Variants in CNOT1 observed in about 807,000 individuals in gnomAD.
CNOT1 encodes CCR4-associated factor 1.
A neutral mutation model predicts 273.8 loss-of-function variants in CNOT1; 15 were observed. The observed-to-expected ratio is 0.05, with a 90% CI of 0.04 to 0.08. The LOEUF is 0.08. Among genes scored for constraint, CNOT1 ranks in the 10% least tolerant of loss-of-function variants. The pLI is 1.00. For missense variants in CNOT1, 1,644 were observed against 2,912.2 expected (o/e 0.56, Z 10.02); for synonymous variants, 1,022 against 1,005.5 (o/e 1.02, Z -0.31).
chr16:58,621,136 A>G (rs2043296479), intron 1 of CNOT1, among the ~76,000 whole-genome samples: 1 of 151,612 alleles, frequency 6.6e-6, no homozygotes, highest in South Asian at 2.1e-4. Context: ...CAAGTTTTGT[A>G]TTTTTAGCAG....
intron 29 of CNOT1, among the ~76,000 whole-genome samples, 183 bp downstream of exon 29, chr16:58,546,137 TA>T (rs944889713): frequency 2.7e-4 from 41 of 152,294 alleles, no homozygotes; most frequent in Admixed American, 2.6e-3. Context: ...GGATGGAATC[TA>T]AGATGGTAAC....
intron 2 of CNOT1, among the ~76,000 whole-genome samples, chr16:58,594,159 G>A (rs1307935761): frequency 1.3e-5 from 2 of 152,056 alleles, no homozygotes; most frequent in East Asian, 1.9e-4. Context: ...CAAGAGAATC[G>A]CTTGAACCCG....
chr16:58,546,106 A>G lies in CNOT1; in HGVS notation c.4006+215T>C, dbSNP rs117147442. Among the ~76,000 whole-genome samples the G allele has an allele frequency of 7.7e-3, 1,179 of 152,286 alleles. 8 individuals carry two copies. Among genetic ancestry groups the G allele is most frequent in the Non-Finnish European group, 0.011 (748 of 68,018 alleles). On this transcript the variant is annotated intron_variant, in intron 29 of 48. Coordinates refer to ENST00000317147, the MANE Select transcript of CNOT1 (RefSeq NM_016284.5). ...GCAACTGATTAAATCACATTTAGTT[A>G]ATAATATGCATGAACTGTCAGGATG...
At chr16:58,602,967 G>A (rs7205071) in intron 1 of CNOT1, among the ~76,000 whole-genome samples, 114,549 of 152,004 alleles carry the variant, frequency 0.75, 43,575 homozygotes, top group Middle Eastern at 0.86. Flanking sequence ...GTTGATGCTA[G>A]TTTCATCCTT....
intron 16 of CNOT1, 149 bp downstream of exon 16, chr16:58,574,460 T>C (rs776635895): frequency 1.1e-5 from 7 of 621,012 alleles, no homozygotes; most frequent in East Asian, 3.3e-5. Context: ...GGATCTAGTA[T>C]GTATCATAAA....
rs1416837718 is a variant in CNOT1 at position 58,520,474 on chromosome 16, A to ACTT, written c.*481_*483dup. 1 of 160,954 alleles carries ACTT rather than the reference A, an allele frequency of 6.2e-6. No individual in the cohort carries two copies. The highest frequency in any genetic ancestry group is 2.4e-5 in the African/African-American group (1 of 41,600). The allele number at this position is 160,954 out of a possible 1,614,324, so 10.0% of individuals were successfully genotyped here. On this transcript the variant is annotated 3_prime_UTR_variant, in exon 49 of 49. Coordinates refer to ENST00000317147, the MANE Select transcript of CNOT1 (RefSeq NM_016284.5). ...TTCTAGCACATCCACATTTTTAATAACTTAGTGATTTTCAAGGTCCCCTGT... is the reference window on the plus strand; with the variant it reads ...TTCTAGCACATCCACATTTTTAATAACTTCTTAGTGATTTTCAAGGTCCCCTGT...
At chr16:58,561,572 CAATT>C (rs997892870) in intron 16 of CNOT1, among the ~76,000 whole-genome samples, 3 of 152,084 alleles carry the variant, frequency 2.0e-5, no homozygotes, top group Non-Finnish European at 2.9e-5. Flanking sequence ...GTTTACTTGA[CAATT>C]AAACCAATTT....
chr16:58,601,098 G>C (rs1238738287), intron 1 of CNOT1, among the ~76,000 whole-genome samples: 1 of 152,176 alleles, frequency 6.6e-6, no homozygotes, highest in African/African-American at 2.4e-5. Flanking sequence ...GGAATTACAG[G>C]CAACAGCCAC....
intron 16 of CNOT1, 133 bp downstream of exon 16, chr16:58,574,476 T>G: frequency 1.2e-6 from 1 of 809,350 alleles, no homozygotes; most frequent in Non-Finnish European, 1.8e-6. Context: ...ATAAATAGTA[T>G]AGGACTTTGG....
At chr16:58,578,033 C>G (rs2041520715) in intron 13 of CNOT1, among the ~76,000 whole-genome samples, 1 of 152,156 alleles carries the variant, frequency 6.6e-6, no homozygotes, top group South Asian at 2.1e-4. Context: ...AAAAATTGCT[C>G]TGTGATCTCT....
intron 2 of CNOT1, among the ~76,000 whole-genome samples, chr16:58,598,596 T>C (rs1482151102): frequency 1.3e-5 from 2 of 148,600 alleles, no homozygotes; most frequent in African/African-American, 2.5e-5. Flanking sequence ...TAAGACAAAA[T>C]TGCACCACTG....
At chr16:58,592,429 C>T (rs566460910) in intron 2 of CNOT1, among the ~76,000 whole-genome samples, 114 of 152,042 alleles carry the variant, frequency 7.5e-4, no homozygotes, top group Non-Finnish European at 1.2e-3. Context: ...ATTATATAAA[C>T]AAGCTGGGTG....
At position 58,547,735 on chromosome 16, in the gene CNOT1, C is replaced by T. The variant is rs1433950352; in HGVS notation, c.3523-53G>A. On this transcript the variant is annotated intron_variant, in intron 25 of 48. Transcript: ENST00000317147. The surrounding 1 kb of genome is among the most constrained non-coding windows in gnomAD (Gnocchi z 4.0). Reference sequence around the variant, plus strand: ...ATGAGAATAAGCTTATGAAAGAAAACTCAACTAAGTATTTGAGAATTCCAT... The same window carrying T: ...ATGAGAATAAGCTTATGAAAGAAAATTCAACTAAGTATTTGAGAATTCCAT... The T allele has an allele frequency of 1.9e-6, 3 of 1,540,090 alleles. No homozygotes were observed. The highest frequency in any genetic ancestry group is 2.6e-6 in the Non-Finnish European group (3 of 1,134,246).
At chr16:58,627,479 T>C (rs1345737828) in intron 1 of CNOT1, among the ~76,000 whole-genome samples, 2 of 142,590 alleles carry the variant, frequency 1.4e-5, no homozygotes, top group African/African-American at 5.3e-5. Context: ...AAAAGTAACA[T>C]GCAAGGTAAT....
chr16:58,530,233 C>G lies in CNOT1; in HGVS notation c.6279+13G>C, dbSNP rs773057035. 2 of 1,557,002 alleles carry G rather than the reference C, an allele frequency of 1.3e-6. No homozygotes were observed. The highest frequency in any genetic ancestry group is 2.3e-5 in the East Asian group (1 of 44,434). ...TCAGTTATTTTAATTTATAATAAAT[C>G]CAAGTTAATTACCTTGTAGAGGATT... On this transcript the variant is annotated intron_variant, in intron 43 of 48. Transcript: ENST00000317147.
rs1567438388 is a variant in CNOT1, at chr16:58,603,436, TG to T, written c.-174-3926del. 4.1e-3 allele frequency among the ~76,000 whole-genome samples: 620 copies of T among 150,550 alleles called. 2 individuals carry two copies. Among genetic ancestry groups the T allele is most frequent in the African/African-American group, 0.011 (452 of 40,888 alleles). On this transcript the variant is annotated intron_variant, in intron 1 of 48. Coordinates refer to ENST00000317147, the MANE Select transcript of CNOT1 (RefSeq NM_016284.5). The stretch of plus-strand genomic sequence containing the variant: ...GTGTGTGTGTGTGTGTGTGTGTGTG[TG>T]TGTGTGTGTGTGTGTGTGTGTGTGT...
chr16:58,538,797 G>A lies in CNOT1; in HGVS notation c.5110C>T (p.Pro1704Ser). 6.2e-7 allele frequency: 1 copy of A among 1,612,660 alleles called. No homozygotes were observed. The highest frequency in any genetic ancestry group is 2.2e-5 in the East Asian group (1 of 44,840). ...CTTGTGATCTGTTTGTTGCACCATG[G>A]AGACCCATATGCCCGGCCATCCTGC... Reference protein sequence around the residue: ...ALQDGRAYGSPWCNKQITRCL... With the variant: ...ALQDGRAYGSSWCNKQITRCL... The change falls in exon 36 of 49, where the codon CCA becomes TCA. Residue 1704 changes from proline to serine, a missense_variant. Physicochemically the swap from Pro to Ser is moderately conservative, Grantham distance 74. Transcript: ENST00000317147.
chr16:58,620,245 C>G (rs577333489), intron 1 of CNOT1, among the ~76,000 whole-genome samples: 1 of 152,192 alleles, frequency 6.6e-6, no homozygotes, highest in African/African-American at 2.4e-5. Flanking sequence ...CCAAGGATGG[C>G]AAAAAATCAA....
intron 1 of CNOT1, among the ~76,000 whole-genome samples, chr16:58,613,073 C>T (rs2042953895): frequency 6.6e-6 from 1 of 152,092 alleles, no homozygotes; most frequent in Non-Finnish European, 1.5e-5. Flanking sequence ...GCTCTGTCAC[C>T]TAGGCTGGAG....
Sources: gnomAD v4.1 joint callset for allele counts (sites outside exome capture counted in the v4.1 genomes callset) on GRCh38, gnomAD v4.1.1 for gene constraint, Gnocchi (gnomAD v3.1) non-coding constraint, MANE v1.5 for transcripts, NCBI Gene and HGNC (gene_info 2026-07-23, HGNC 2026-07-21) for gene names.